The following EPHA6 variants were observed in gnomAD, a reference collection of about 807,000 sequenced individuals.
EPHA6 encodes the protein EPH receptor A6, also known as ephrin type-A receptor 6.
EPHA6 carries 50 observed loss-of-function variants against 112.0 expected under a neutral mutation model. The observed-to-expected ratio is 0.45, with a 90% CI of 0.36 to 0.56. The LOEUF (loss-of-function observed/expected upper bound fraction) is 0.56. Ranked by LOEUF, EPHA6 falls within the 20% of genes least tolerant of loss-of-function variation. The probability of loss-of-function intolerance (pLI) is 0.00; values close to 1 mark genes in which losing one functional copy is unlikely to be tolerated. For missense variants in EPHA6, 1,280 were observed against 1,417.4 expected, an observed-to-expected ratio of 0.90 and a Z score of 1.56; for synonymous variants, 529 against 490.7, an observed-to-expected ratio of 1.08 and a Z score of -1.03.
intron 13 of EPHA6, among the ~76,000 whole-genome samples, chr3:97,632,173 T>C (rs1338002029): frequency 6.6e-6 from 1 of 152,028 alleles, no homozygotes; most frequent in Non-Finnish European, 1.5e-5. Context: ...TGACTTTTCA[T>C]TAAAAATACA....
At chr3:97,090,357 A>G (rs573912314) in intron 3 of EPHA6, among the ~76,000 whole-genome samples, 2 of 152,244 alleles carry the variant, frequency 1.3e-5, no homozygotes, top group African/African-American at 4.8e-5. Context: ...TATACATTTT[A>G]TACATTTACT....
In EPHA6 at chr3:97,484,834, C is replaced by G. The variant is rs539247307; in HGVS notation, c.2200+775C>G. Among the ~76,000 whole-genome samples, 14 of 152,330 alleles carry G rather than the reference C, an allele frequency of 9.2e-5. No homozygotes were observed. In the South Asian group the frequency reaches 2.7e-3, roughly 29 times the overall value. On this transcript the variant is annotated intron_variant, in intron 10 of 17. Transcript: ENST00000389672. ...AAAGCTGGGTCACCAGTACATCTGC[C>G]TTCCTGACTGTGAGAAGGAAAAGGA...
chr3:96,891,309 T>G (rs1559805277), intron 2 of EPHA6, among the ~76,000 whole-genome samples: 2 of 152,192 alleles, frequency 1.3e-5, no homozygotes, highest in African/African-American at 4.8e-5. Context: ...CCACAAATAT[T>G]GTTGAACAAA....
chr3:97,643,996 C>A (rs1297982475), intron 14 of EPHA6, among the ~76,000 whole-genome samples: 1 of 151,404 alleles, frequency 6.6e-6, no homozygotes, highest in Non-Finnish European at 1.5e-5. Context: ...TTTTTTTCAG[C>A]ACCACACCAC....
intron 13 of EPHA6, among the ~76,000 whole-genome samples, chr3:97,623,012 G>A (rs2093826176): frequency 6.6e-6 from 1 of 151,560 alleles, no homozygotes; most frequent in Admixed American, 6.6e-5. Flanking sequence ...ATTCCCTTAG[G>A]AGATATATGA....
chr3:97,642,503 G>C (rs911217075), intron 14 of EPHA6, among the ~76,000 whole-genome samples: 7 of 145,902 alleles, frequency 4.8e-5, no homozygotes, highest in African/African-American at 1.8e-4. Context: ...AGCTACGGGA[G>C]GACATTCAAA....
intron 3 of EPHA6, among the ~76,000 whole-genome samples, chr3:96,994,761 A>AGAGAGAGAGAGAGAGAGAGAGAGAGC (rs2043353407): frequency 7.3e-6 from 1 of 137,114 alleles, no homozygotes; most frequent in Admixed American, 7.3e-5. Flanking sequence ...AGAGAGAGAG[A>AGAGAGAGAGAGAGAGAGAGAGAGAGC]GCTATATATA....
chr3:96,940,277 G>C (rs764153031), intron 2 of EPHA6, among the ~76,000 whole-genome samples: 14 of 151,872 alleles, frequency 9.2e-5, no homozygotes, highest in Non-Finnish European at 1.9e-4. Flanking sequence ...TTATGAATCT[G>C]GGTGCTCCTG....
Position 97,761,329 on chromosome 3 carries a change from A to C in EPHA6, c.*12628A>C, listed in dbSNP as rs918434155. ...TGTGGTGAATTGCATAACATATGTCATCTATTTGCTGAAAGAATATGCTGT... is the reference window on the plus strand; with the variant it reads ...TGTGGTGAATTGCATAACATATGTCCTCTATTTGCTGAAAGAATATGCTGT... On this transcript the variant is annotated 3_prime_UTR_variant, in exon 18 of 18. Transcript: ENST00000389672. The C allele has an allele frequency of 2.1e-5, 4 of 191,192 alleles. No homozygotes were observed. Among genetic ancestry groups the C allele is most frequent in the African/African-American group, 9.3e-5 (4 of 43,014 alleles). 11.8% of individuals were successfully genotyped at this position (191,192 alleles called of 1,614,324 possible).
chr3:97,697,379 C>CAGA (rs2033108189), intron 14 of EPHA6, among the ~76,000 whole-genome samples: 1 of 152,058 alleles, frequency 6.6e-6, no homozygotes, highest in Non-Finnish European at 1.5e-5. Flanking sequence ...AAAATTGAGA[C>CAGA]AGAAAGAGTA....
intron 13 of EPHA6, among the ~76,000 whole-genome samples, chr3:97,625,523 G>A (rs2093848726): frequency 6.6e-6 from 1 of 151,544 alleles, no homozygotes; most frequent in Non-Finnish European, 1.5e-5. Context: ...GGTATAGTGT[G>A]TACTTCTGTT....
intron 12 of EPHA6, among the ~76,000 whole-genome samples, chr3:97,599,771 A>T (rs2093627718): frequency 6.6e-6 from 1 of 152,100 alleles, no homozygotes; most frequent in African/African-American, 2.4e-5. Flanking sequence ...GTTCCATATG[A>T]ACTTTAAAGT....
intron 14 of EPHA6, among the ~76,000 whole-genome samples, chr3:97,675,453 CT>C (rs2031278803): frequency 1.3e-5 from 2 of 152,032 alleles, no homozygotes; most frequent in African/African-American, 4.8e-5. Flanking sequence ...GCACTCCAGC[CT>C]GGGCAACAGA....
chr3:96,960,565 A>G (rs2041917091), intron 2 of EPHA6, among the ~76,000 whole-genome samples: 1 of 152,206 alleles, frequency 6.6e-6, no homozygotes, highest in Non-Finnish European at 1.5e-5. Context: ...AAAGTACAAA[A>G]AAGACTGAGT....
intron 5 of EPHA6, among the ~76,000 whole-genome samples, chr3:97,370,968 C>A (rs2085016598): frequency 6.6e-6 from 1 of 151,984 alleles, no homozygotes; most frequent in South Asian, 2.1e-4. Flanking sequence ...TGACTTATTT[C>A]TTCTCTTGAG....
chr3:97,646,532 A>T (rs546748439), intron 14 of EPHA6, among the ~76,000 whole-genome samples: 1 of 152,248 alleles, frequency 6.6e-6, no homozygotes, highest in Non-Finnish European at 1.5e-5. Context: ...TTATAGAGCG[A>T]CCATATTTCA....
chr3:96,946,233 TTACGTAAGTATACGTGTGCCA>T (rs995060573), intron 2 of EPHA6, among the ~76,000 whole-genome samples: 1 of 152,126 alleles, frequency 6.6e-6, no homozygotes, highest in Non-Finnish European at 1.5e-5. Flanking sequence ...TGCAGGTTTG[TTACGTAAGTATACGTGTGCCA>T]TATTGGTGTG....
chr3:96,879,166 A>G (rs1355866543), intron 2 of EPHA6, among the ~76,000 whole-genome samples: 2 of 152,082 alleles, frequency 1.3e-5, no homozygotes, highest in African/African-American at 2.4e-5. Context: ...GAAACTATGA[A>G]TGTTACTGTA....
chr3:97,607,410 A>C (rs1471243722), intron 12 of EPHA6, among the ~76,000 whole-genome samples: 1 of 151,158 alleles, frequency 6.6e-6, no homozygotes, highest in Non-Finnish European at 1.5e-5. Context: ...TCTTAATGTA[A>C]GAAAATAATT....
Sources: gnomAD v4.1 joint callset for allele counts (sites outside exome capture counted in the v4.1 genomes callset) on GRCh38, gnomAD v4.1.1 for gene constraint, MANE v1.5 for transcripts, NCBI Gene and HGNC (gene_info 2026-07-23, HGNC 2026-07-21) for gene names.